The following SLC30A8 variants were observed in gnomAD, a reference collection of about 807,000 sequenced individuals.
The protein encoded by SLC30A8 is solute carrier family 30 member 8, also known as proton-coupled zinc antiporter SLC30A8.
SLC30A8 carries 27 observed loss-of-function variants against 36.9 expected under a neutral mutation model. That is an observed-to-expected ratio of 0.73 (90% CI 0.54 to 1.01). The LOEUF (loss-of-function observed/expected upper bound fraction) is 1.01, where lower values mean the gene tolerates loss of function less well. Among genes scored for constraint, SLC30A8 ranks in the 50% least tolerant of loss-of-function variants. The pLI is 0.00. For synonymous variants in SLC30A8, 164 were observed against 172.4 expected, an observed-to-expected ratio of 0.95 and a Z score of 0.38; for missense variants, 439 against 452.0, an observed-to-expected ratio of 0.97 and a Z score of 0.26.
intron 1 of SLC30A8, among the ~76,000 whole-genome samples, chr8:116,977,970 T>C (rs1369430576): frequency 6.6e-6 from 1 of 151,508 alleles, no homozygotes; most frequent in Admixed American, 6.6e-5. Flanking sequence ...TCCCTTCTGC[T>C]TGCTGGGAAA....
At chr8:117,103,983 C>T (rs1173456068) in intron 2 of SLC30A8, among the ~76,000 whole-genome samples, 1 of 152,140 alleles carries the variant, frequency 6.6e-6, no homozygotes, top group South Asian at 2.1e-4. Context: ...CTTCTGTGGA[C>T]ATCATGGGGA....
At chr8:116,969,106 C>T (rs1814697947) in intron 1 of SLC30A8, among the ~76,000 whole-genome samples, 1 of 152,114 alleles carries the variant, frequency 6.6e-6, no homozygotes, top group Non-Finnish European at 1.5e-5. Context: ...TTGTATCCCA[C>T]CTCCAGTGTT....
At chr8:117,164,248 T>G (rs942451268) in intron 6 of SLC30A8, 3 of 152,250 alleles carry the variant, frequency 2.0e-5, no homozygotes, top group Non-Finnish European at 4.4e-5. Context: ...AGTGAGACCC[T>G]GTCTCTTAAA....
At chr8:117,048,369 G>A (rs954206111) in intron 2 of SLC30A8, among the ~76,000 whole-genome samples, 4 of 152,198 alleles carry the variant, frequency 2.6e-5, no homozygotes, top group East Asian at 1.9e-4. Flanking sequence ...GGCAGGTAGT[G>A]TATAGTGGGG....
chr8:116,961,695 G>A (rs1385751851), intron 1 of SLC30A8, among the ~76,000 whole-genome samples: 2 of 151,940 alleles, frequency 1.3e-5, no homozygotes, highest in Non-Finnish European at 2.9e-5. Context: ...CCTCTGGGGA[G>A]GGCCTTGCTG....
rs141609914 is a variant in SLC30A8 at position 117,139,794 on chromosome 8, A to G, written c.71+4396A>G. Among the ~76,000 whole-genome samples, 470 of 151,878 alleles carry G rather than the reference A, an allele frequency of 3.1e-3. 5 individuals are homozygous for G. The highest frequency in any genetic ancestry group is 0.01 in the African/African-American group (416 of 41,410). On this transcript the variant is annotated intron_variant, in intron 1 of 7. Coordinates refer to ENST00000456015, the MANE Select transcript of SLC30A8 (RefSeq NM_173851.3). ...GGATAAGAAAGACTGCATCTACCCAATGATGCACCTTCTGAGGAATGGCAA... is the reference window on the plus strand; with the variant it reads ...GGATAAGAAAGACTGCATCTACCCAGTGATGCACCTTCTGAGGAATGGCAA...
chr8:117,150,596 C>G (rs879769719), intron 2 of SLC30A8, among the ~76,000 whole-genome samples: 1 of 152,070 alleles, frequency 6.6e-6, no homozygotes, highest in Non-Finnish European at 1.5e-5. Context: ...CTAACACTAT[C>G]GAGACTTTAA....
chr8:117,143,043 T>C (rs997867195), intron 1 of SLC30A8, among the ~76,000 whole-genome samples: 18 of 152,080 alleles, frequency 1.2e-4, no homozygotes, highest in African/African-American at 3.9e-4. Flanking sequence ...AAAATTGATA[T>C]GAAAGTACAA....
chr8:117,131,378 C>CT (rs1821133006), upstream of SLC30A8, among the ~76,000 whole-genome samples: 1 of 151,958 alleles, frequency 6.6e-6, no homozygotes. Context: ...ATAATAAGAT[C>CT]TTTATAGTTA....
chr8:117,037,925 G>A (rs2130751366), intron 1 of SLC30A8, among the ~76,000 whole-genome samples: 1 of 152,318 alleles, frequency 6.6e-6, no homozygotes, highest in African/African-American at 2.4e-5. Flanking sequence ...TAAAACCAAA[G>A]TCTTCCTTTT....
rs1362628648 is a variant in SLC30A8, at chr8:117,003,353, CA to C, written c.-265-35865del. ...TGAGAAAGGTAGCATAATGAATTGG[CA>C]GGGGCATGTTGGTTGAAGTTCTATA... On this transcript the variant is annotated intron_variant, in intron 1 of 10. Coordinates refer to the SLC30A8 transcript ENST00000427715. Among the ~76,000 whole-genome samples the C allele has an allele frequency of 3.9e-5, 6 of 152,282 alleles. No individual in the cohort carries two copies. In the East Asian group the frequency reaches 1.2e-3, roughly 29 times the overall value.
chr8:117,062,660 C>G (rs1347844089), intron 2 of SLC30A8, among the ~76,000 whole-genome samples: 5 of 152,280 alleles, frequency 3.3e-5, no homozygotes, highest in African/African-American at 1.2e-4. Flanking sequence ...AGTCTGCATT[C>G]AGAGTGGCAC....
intron 1 of SLC30A8, among the ~76,000 whole-genome samples, chr8:117,135,673 ATC>A (rs1459111837): frequency 6.6e-6 from 1 of 151,964 alleles, no homozygotes; most frequent in Admixed American, 6.6e-5. Flanking sequence ...GACCTATATA[ATC>A]TGTTTACTTT....
chr8:117,017,618 G>GT lies in SLC30A8; in HGVS notation c.-265-21600dup, dbSNP rs528224023. On this transcript the variant is annotated intron_variant, in intron 1 of 10. Transcript: ENST00000427715. ...GTGGAATTGACACTAGTTCAGGCAG[G>GT]TGGAGAATAAGTAAGGAAAGAAGCG... Among the ~76,000 whole-genome samples the GT allele has an allele frequency of 9.8e-4, 149 of 152,324 alleles. No individual in the cohort carries two copies. In the Middle Eastern group the frequency reaches 0.014, roughly 14 times the overall value.
intron 1 of SLC30A8, among the ~76,000 whole-genome samples, chr8:116,952,850 T>TTTTATTTA (rs10644777): frequency 0.047 from 7,099 of 150,138 alleles, 203 homozygotes; most frequent in Middle Eastern, 0.08. Flanking sequence ...CAAAGAAGAA[T>TTTTATTTA]TTTATTTATT....
chr8:116,988,872 A>G (rs1005157685), intron 1 of SLC30A8, among the ~76,000 whole-genome samples: 1 of 152,152 alleles, frequency 6.6e-6, no homozygotes, highest in African/African-American at 2.4e-5. Flanking sequence ...TATCTTCTTA[A>G]TGCCTGTAAT....
chr8:117,027,221 G>C (rs1816904069), intron 1 of SLC30A8, among the ~76,000 whole-genome samples: 1 of 152,032 alleles, frequency 6.6e-6, no homozygotes, highest in East Asian at 1.9e-4. Flanking sequence ...GAAAAAGGAG[G>C]GGCTCATCTT....
rs139961405 is a variant in SLC30A8, at chr8:116,955,776, G to A, written c.-266+4657G>A. Among the ~76,000 whole-genome samples, 86 of 151,928 alleles carry A rather than the reference G, an allele frequency of 5.7e-4. 1 individual carries two copies. The highest frequency in any genetic ancestry group is 2.1e-3 in the African/African-American group (85 of 41,354). Reference sequence around the variant, plus strand: ...CAAAAAGACAGAGATGCTGAGGTTTGTTGGCAACCATCAGAAACTAGAGGA... The same window carrying A: ...CAAAAAGACAGAGATGCTGAGGTTTATTGGCAACCATCAGAAACTAGAGGA... On this transcript the variant is annotated intron_variant, in intron 1 of 10. Transcript: ENST00000427715.
chr8:117,138,452 C>G (rs116936158), intron 1 of SLC30A8, among the ~76,000 whole-genome samples: 1,822 of 152,152 alleles, frequency 0.012, 17 homozygotes, highest in Non-Finnish European at 0.02. Flanking sequence ...GATGAGAGCT[C>G]AACTCTGAGT....
Sources: allele counts gnomAD v4.1 joint callset (sites outside exome capture counted in the v4.1 genomes callset), GRCh38; gene constraint gnomAD v4.1.1; transcripts MANE v1.5; gene names NCBI Gene and HGNC (gene_info 2026-07-23, HGNC 2026-07-21).